The following KRTAP5-5 variants were observed in gnomAD, a reference collection of about 807,000 sequenced individuals.
KRTAP5-5 encodes keratin associated protein 5-5.
In KRTAP5-5, 1 loss-of-function variant was observed where a neutral mutation model predicts 2.8. That is an observed-to-expected ratio of 0.35 (90% CI 0.13 to 1.67). The LOEUF (loss-of-function observed/expected upper bound fraction) is 1.67, where lower values mean the gene tolerates loss of function less well. Ranked by LOEUF, KRTAP5-5 falls within the 40% of genes most tolerant of loss-of-function variation. KRTAP5-5 has a pLI of 0.35. For missense variants in KRTAP5-5, 134 were observed against 270.9 expected (o/e 0.49, Z 3.55); for synonymous variants, 83 against 110.6 (o/e 0.75, Z 1.57).
chr11:1,629,786 T>G (rs1849715525), exon 1 of KRTAP5-5: 2 of 1,610,822 alleles, frequency 1.2e-6, no homozygotes, highest in Non-Finnish European at 8.5e-7. Flanking sequence ...GCTCCACACC[T>G]GCACCTCCCT....
exon 1 of KRTAP5-5, chr11:1,629,797 C>T (rs1849715693): frequency 2.5e-6 from 4 of 1,611,118 alleles, no homozygotes; most frequent in Non-Finnish European, 2.5e-6. Flanking sequence ...GCACCTCCCT[C>T]TCACCTGCTC....
chr11:1,629,951 C>A (rs762272760), exon 1 of KRTAP5-5: 2 of 1,530,374 alleles, frequency 1.3e-6, no homozygotes, highest in South Asian at 1.2e-5. Flanking sequence ...GCTGTGGGGG[C>A]TGTGGCTCCG....
downstream of KRTAP5-5, among the ~76,000 whole-genome samples, chr11:1,630,919 T>C (rs1401726200): frequency 6.6e-6 from 1 of 152,160 alleles, no homozygotes; most frequent in Non-Finnish European, 1.5e-5. Flanking sequence ...AAACAAAGTC[T>C]CTAAGCACAA....
At chr11:1,629,901 T>C (rs1247190460) in exon 1 of KRTAP5-5, 8 of 1,608,264 alleles carry the variant, frequency 5.0e-6, no homozygotes, top group Non-Finnish European at 6.8e-6. Context: ...TGGCTCCGGC[T>C]GTGGGGGCTG....
At chr11:1,629,842 T>C (rs778175541) in exon 1 of KRTAP5-5, 4 of 1,485,170 alleles carry the variant, frequency 2.7e-6, no homozygotes, top group East Asian at 2.4e-5. Context: ...ACCAGAACCA[T>C]GGGCTGCTGT....
In KRTAP5-5 at chr11:1,630,341, AG is replaced by A; in HGVS notation, c.503del (p.Gly168AlafsTer83). ...GCTGCAAGCCCTGCTGCTGCTCCTC[AG>A]GCTGTGGGTCATCCTGCTGCCAGTC... On this transcript the variant is annotated frameshift_variant, in exon 1 of 1. Coordinates refer to ENST00000399676, the Ensembl canonical transcript of KRTAP5-5. LOFTEE classifies it low-confidence loss of function (END_TRUNC). 6.2e-7 allele frequency: 1 copy of A among 1,609,116 alleles called. No homozygotes were observed. Among genetic ancestry groups the A allele is most frequent in the Non-Finnish European group, 8.5e-7 (1 of 1,178,424 alleles).
rs543002232 is a variant in KRTAP5-5, at chr11:1,630,085, C to T, written c.245C>T (p.Ser82Phe). ...TGCTGTGTGCCAGCTTGTTCCTGCT[C>T]CAGCTGTGGCAAAGGGGGCTGTGGC... is the stretch of plus-strand genomic sequence containing the variant. Residue 82 changes from serine (S) to phenylalanine (F), a missense_variant, in exon 1 of 1, where the codon TCC becomes TTC. Ser to Phe is a radical substitution (Grantham distance 155). Coordinates refer to ENST00000399676, the Ensembl canonical transcript of KRTAP5-5. 5.5e-5 allele frequency: 88 copies of T among 1,609,904 alleles called. No individual in the cohort carries two copies. The East Asian group carries it at 1.8e-3, about 32-fold the overall frequency.
At position 1,630,313 on chromosome 11, in the gene KRTAP5-5, G is replaced by T. The variant is rs1250901744; in HGVS notation, c.473G>T (p.Ser158Ile). 10 of 1,613,380 alleles carry T rather than the reference G, an allele frequency of 6.2e-6. No homozygotes were observed. The South Asian group carries it at 6.6e-5, about 11-fold the overall frequency. The change falls in exon 1 of 1, where the codon AGC (serine) becomes ATC (isoleucine). Residue 158 changes from serine (S) to isoleucine (I), a missense_variant. Coordinates refer to ENST00000399676, the Ensembl canonical transcript of KRTAP5-5. ...GGTTCTTATGGCTGCTCCCAGTCCAGCTGCTGCAAGCCCTGCTGCTGCTCC... is the reference window on the plus strand; with the variant it reads ...GGTTCTTATGGCTGCTCCCAGTCCATCTGCTGCAAGCCCTGCTGCTGCTCC...
At chr11:1,629,905 G>C (rs1849719810) in exon 1 of KRTAP5-5, 3 of 1,609,068 alleles carry the variant, frequency 1.9e-6, no homozygotes, top group Non-Finnish European at 2.5e-6. Flanking sequence ...TCCGGCTGTG[G>C]GGGCTGTGGC....
At chr11:1,630,907 A>G (rs1369172237), downstream of KRTAP5-5, among the ~76,000 whole-genome samples, 2 of 152,130 alleles carry the variant, frequency 1.3e-5, no homozygotes, top group Non-Finnish European at 2.9e-5. Context: ...GACCCTCTAA[A>G]TAAACAAAGT....
chr11:1,630,422 C>T (rs111318317), exon 1 of KRTAP5-5: 68,157 of 1,501,640 alleles, frequency 0.045, 4,275 homozygotes, highest in South Asian at 0.051. Flanking sequence ...CCTACTGCTG[C>T]CAGTCCAGCT....
chr11:1,630,430 G>T (rs1849744780), exon 1 of KRTAP5-5: 1 of 1,593,012 alleles, frequency 6.3e-7, no homozygotes, highest in African/African-American at 1.3e-5. Context: ...TGCCAGTCCA[G>T]CTGCTGTAAG....
Position 1,630,168 on chromosome 11 carries a change from GGC to G in KRTAP5-5, c.329_330del (p.Gly110ValfsTer70). Reference sequence around the variant, plus strand: ...CTGTGGGGTGTCCAAGGGGGCCTGTGGCTCCTGTGGGGGGTCCAAGGGGGGCT... The same window carrying G: ...CTGTGGGGTGTCCAAGGGGGCCTGTGTCCTGTGGGGGGTCCAAGGGGGGCT... On this transcript the variant is annotated frameshift_variant, in exon 1 of 1. Coordinates refer to ENST00000399676, the Ensembl canonical transcript of KRTAP5-5. LOFTEE classifies it low-confidence loss of function (END_TRUNC). The G allele has an allele frequency of 2.1e-6, 3 of 1,434,704 alleles. No individual in the cohort carries two copies. The highest frequency in any genetic ancestry group is 1.7e-5 in the African/African-American group (1 of 58,012). 88.9% of individuals were successfully genotyped at this position (1,434,704 alleles called of 1,614,324 possible).
chr11:1,630,705 C>T (rs1590845648), exon 1 of KRTAP5-5: 1 of 1,018,826 alleles, frequency 9.8e-7, no homozygotes, highest in Non-Finnish European at 1.5e-6. Flanking sequence ...TGACTGAGGA[C>T]CCCTTCTGGC....
chr11:1,630,280 G>T, exon 1 of KRTAP5-5: 1 of 1,569,036 alleles, frequency 6.4e-7, no homozygotes. Context: ...GGGTCCAAGG[G>T]GGGCTGTGGT....
chr11:1,630,292 C>T (rs1323527825), exon 1 of KRTAP5-5: 3 of 1,611,898 alleles, frequency 1.9e-6, no homozygotes, highest in Non-Finnish European at 2.5e-6. Flanking sequence ...GGCTGTGGTT[C>T]TTATGGCTGC....
At chr11:1,630,793 C>T (rs1388085457), downstream of KRTAP5-5, 2 of 636,236 alleles carry the variant, frequency 3.1e-6, no homozygotes, top group East Asian at 2.8e-5. Context: ...CACTGAGGCC[C>T]CAGAGGCAGA....
chr11:1,630,595 G>T, exon 1 of KRTAP5-5: 4 of 1,612,208 alleles, frequency 2.5e-6, no homozygotes, highest in Non-Finnish European at 3.4e-6. Flanking sequence ...CTGGTGAAGG[G>T]CCCGGCTGCC....
exon 1 of KRTAP5-5, chr11:1,630,121 G>T (rs757087387): frequency 1.9e-6 from 3 of 1,610,594 alleles, no homozygotes; most frequent in Admixed American, 3.3e-5. Flanking sequence ...TCTTGCGGGG[G>T]CTCCAAGAGA....
Sources: gnomAD v4.1 joint callset for allele counts (sites outside exome capture counted in the v4.1 genomes callset) on GRCh38, gnomAD v4.1.1 for gene constraint, MANE v1.5 for transcripts, NCBI Gene and HGNC (gene_info 2026-07-23, HGNC 2026-07-21) for gene names.